ADCY8: variants seen among roughly 807,000 people sequenced by gnomAD.
The protein encoded by ADCY8 is adenylate cyclase type 8.
ADCY8 carries 51 observed loss-of-function variants against 119.7 expected under a neutral mutation model. The ratio of observed to expected loss-of-function variants is 0.43; its 90% CI spans 0.34 to 0.54. The LOEUF (loss-of-function observed/expected upper bound fraction) is 0.54. Among genes scored for constraint, ADCY8 ranks in the 20% least tolerant of loss-of-function variants. ADCY8 has a pLI of 0.03. For synonymous variants in ADCY8, 665 were observed against 651.0 expected, an observed-to-expected ratio of 1.02 and a Z score of -0.33; for missense variants, 1,383 against 1,598.8, an observed-to-expected ratio of 0.87 and a Z score of 2.30.
At chr8:130,907,552 C>T (rs1371561463) in intron 6 of ADCY8, among the ~76,000 whole-genome samples, 22 of 152,050 alleles carry the variant, frequency 1.4e-4, no homozygotes, top group Non-Finnish European at 1.5e-5. Context: ...TGTTTTCAGT[C>T]CAAAATTACA....
At chr8:130,801,744 A>G (rs1563669991) in intron 14 of ADCY8, among the ~76,000 whole-genome samples, 1 of 152,164 alleles carries the variant, frequency 6.6e-6, no homozygotes, top group Admixed American at 6.5e-5. Flanking sequence ...CCTGCAGTCA[A>G]AGTGGAAAAA....
chr8:130,928,048 C>T (rs745634838), intron 5 of ADCY8, among the ~76,000 whole-genome samples: 12 of 152,188 alleles, frequency 7.9e-5, no homozygotes, highest in Admixed American at 5.2e-4. Flanking sequence ...TGAGTAGTTA[C>T]GGGATTACCA....
intron 1 of ADCY8, chr8:130,990,985 T>C (rs1179765497): frequency 2.6e-5 from 4 of 152,772 alleles, no homozygotes; most frequent in African/African-American, 4.8e-5. Flanking sequence ...GACTACTATA[T>C]TTAGACTCTG....
intron 1 of ADCY8, among the ~76,000 whole-genome samples, chr8:131,023,524 C>A (rs957420176): frequency 2.0e-5 from 3 of 152,124 alleles, no homozygotes; most frequent in African/African-American, 4.8e-5. Flanking sequence ...CACACAGTGC[C>A]ACTTTCATAA....
chr8:131,031,833 G>C (rs1187173252), intron 1 of ADCY8, among the ~76,000 whole-genome samples: 1 of 152,072 alleles, frequency 6.6e-6, no homozygotes, highest in Admixed American at 6.6e-5. Context: ...AGCAGCATAA[G>C]ATGGGTTCTG....
intron 12 of ADCY8, among the ~76,000 whole-genome samples, chr8:130,828,076 C>A (rs548938811): frequency 6.6e-6 from 1 of 152,068 alleles, no homozygotes; most frequent in African/African-American, 2.4e-5. Flanking sequence ...GGCTAACCCC[C>A]GGGGTTATCC....
At chr8:130,879,957 G>C (rs1416684588) in intron 8 of ADCY8, among the ~76,000 whole-genome samples, 1 of 152,128 alleles carries the variant, frequency 6.6e-6, no homozygotes, top group Non-Finnish European at 1.5e-5. Flanking sequence ...TGAATCATGG[G>C]GGTGGGTCTT....
At chr8:130,845,928 G>A (rs765668439) in intron 11 of ADCY8, among the ~76,000 whole-genome samples, 1 of 152,170 alleles carries the variant, frequency 6.6e-6, no homozygotes, top group African/African-American at 2.4e-5. Context: ...AACCAGCACT[G>A]AGCAAGCTGC....
intron 1 of ADCY8, among the ~76,000 whole-genome samples, chr8:131,036,959 A>G (rs1824174934): frequency 6.6e-6 from 1 of 152,182 alleles, no homozygotes; most frequent in Admixed American, 6.5e-5. Flanking sequence ...GCAGGTTTTG[A>G]GCATTCCTTA....
intron 6 of ADCY8, among the ~76,000 whole-genome samples, chr8:130,906,697 G>A (rs1586558792): frequency 6.6e-6 from 1 of 151,998 alleles, no homozygotes. Flanking sequence ...AAGGAAATGA[G>A]TCAAGTAAAC....
At chr8:130,972,319 T>G (rs894454487) in intron 2 of ADCY8, among the ~76,000 whole-genome samples, 4 of 152,180 alleles carry the variant, frequency 2.6e-5, no homozygotes, top group African/African-American at 9.6e-5. Flanking sequence ...GAAAAATATA[T>G]GTCCACAGTC....
chr8:130,909,791 A>G lies in ADCY8; in HGVS notation c.1557T>C (p.Val519=). The G allele has an allele frequency of 1.2e-6, 2 of 1,614,112 alleles. No homozygotes were observed. The highest frequency in any genetic ancestry group is 1.7e-6 in the Non-Finnish European group (2 of 1,180,006). ...GIHSGSVLCG[V]LGLRKWQFDV... is the part of the protein sequence containing the mutation. ...CAAACTGCCACTTCCTTAGTCCCAA[A>G]ACACCGCACAGCACCGAGCCGGAGT... Residue 519 remains valine (V), a synonymous_variant, in exon 6 of 18, where the codon GTT becomes GTC. Transcript: ENST00000286355.
In ADCY8 at chr8:130,937,152, C is replaced by T. The variant is rs374795983; in HGVS notation, c.1402G>A (p.Val468Met). The T allele has an allele frequency of 5.6e-5, 91 of 1,613,654 alleles. No homozygotes were observed. Among genetic ancestry groups the T allele is most frequent in the Non-Finnish European group, 6.8e-5 (80 of 1,179,864 alleles). Residue 468 changes from valine (V) to methionine (M), a missense_variant, in exon 5 of 18, where the codon GTG (valine) becomes ATG (methionine). By Grantham distance (21) the Val-to-Met change is conservative. Transcript: ENST00000286355. ...TGGCGGGGCTCAGGAAGTCCAGACA[C>T]GCAGTAGTAGCAGTCCCCCAGGATT... is the stretch of plus-strand genomic sequence containing the variant. The part of the protein sequence containing the change: ...IKILGDCYYC[V>M]SGLPEPRQDH...
chr8:130,859,523 A>C (rs985040264), intron 9 of ADCY8, among the ~76,000 whole-genome samples: 11 of 152,188 alleles, frequency 7.2e-5, no homozygotes. Flanking sequence ...TCTCATTTTC[A>C]AAGCTACTTA....
At chr8:130,944,354 A>G (rs1435585301) in intron 3 of ADCY8, among the ~76,000 whole-genome samples, 1 of 152,244 alleles carries the variant, frequency 6.6e-6, no homozygotes, top group Non-Finnish European at 1.5e-5. Flanking sequence ...ACAGGATACC[A>G]TATTTGATCA....
chr8:130,891,131 C>T (rs1483790985), intron 7 of ADCY8, among the ~76,000 whole-genome samples: 2 of 152,102 alleles, frequency 1.3e-5, no homozygotes. Context: ...TGGGAGCACG[C>T]TTCCATTACC....
chr8:130,808,866 A>G (rs1816068223), intron 14 of ADCY8, among the ~76,000 whole-genome samples: 1 of 149,738 alleles, frequency 6.7e-6, no homozygotes, highest in South Asian at 2.2e-4. Flanking sequence ...AGCACCTGGG[A>G]CAGCTGCCCT....
rs539545792 is a variant in ADCY8 at position 130,874,685 on chromosome 8, G to A, written c.2110-6739C>T. 4.6e-5 allele frequency among the ~76,000 whole-genome samples: 7 copies of A among 152,274 alleles called. No homozygotes were observed. In the East Asian group the frequency reaches 9.7e-4, roughly 21 times the overall value. ...AGGGGTGACAGAAGACCCTAGGTTG[G>A]TAATACATTTCCTAATGTTATGTCC... On this transcript the variant is annotated intron_variant, in intron 8 of 17. Transcript: ENST00000286355.
intron 1 of ADCY8, among the ~76,000 whole-genome samples, chr8:131,007,395 A>G (rs4736731): frequency 0.56 from 84,705 of 151,926 alleles, 24,493 homozygotes; most frequent in East Asian, 0.78. Flanking sequence ...ACAATGCCTG[A>G]AGAGGTTTTT....
Sources: gnomAD v4.1 joint callset for allele counts (sites outside exome capture counted in the v4.1 genomes callset) on GRCh38, gnomAD v4.1.1 for gene constraint, MANE v1.5 for transcripts, NCBI Gene and HGNC (gene_info 2026-07-23, HGNC 2026-07-21) for gene names.